The following CRB2 variants were observed in gnomAD, a reference collection of about 807,000 sequenced individuals.
The protein encoded by CRB2 is protein crumbs homolog 2.
CRB2 carries 85 observed loss-of-function variants against 110.9 expected under a neutral mutation model. The ratio of observed to expected loss-of-function variants is 0.77; its 90% CI spans 0.64 to 0.92. The LOEUF is 0.92. CRB2 is among the 40% of genes least tolerant of loss of function. The pLI is 0.00. For missense variants in CRB2, 1,843 were observed against 1,851.3 expected (o/e 1.00, Z 0.08); for synonymous variants, 907 against 831.0 (o/e 1.09, Z -1.57).
chr9:123,373,266 C>A lies in CRB2; in HGVS notation c.2735C>A (p.Ala912Asp), dbSNP rs1011054534. The A allele has an allele frequency of 6.7e-7, 1 of 1,485,124 alleles. No homozygotes were observed. The highest frequency in any genetic ancestry group is 1.5e-5 in the African/African-American group (1 of 68,144). 92.0% of individuals were successfully genotyped at this position (1,485,124 alleles called of 1,614,324 possible). ...GACTCCGAGGCCTGGCTGCTGCGTG[C>A]CGCGGCGGGCGCCCTGGAAGGCGTG... Reference protein sequence around the residue: ...TRDSEAWLLRAAAGALEGVWL... With the variant: ...TRDSEAWLLRDAAGALEGVWL... The change falls in exon 10 of 13, where the codon GCC becomes GAC. Residue 912 changes from alanine (A) to aspartate (D), a missense_variant. Coordinates refer to ENST00000373631, the MANE Select transcript of CRB2 (RefSeq NM_173689.7).
chr9:123,356,527 C>T (rs1051960765), intron 1 of CRB2, among the ~76,000 whole-genome samples, 173 bp downstream of exon 1: 3 of 109,568 alleles, frequency 2.7e-5, no homozygotes, highest in African/African-American at 1.1e-4. Context: ...TGGGGCTCCA[C>T]GGAGGTGAGT....
chr9:123,368,936 G>A (rs2041976799), intron 6 of CRB2: 5 of 1,247,844 alleles, frequency 4.0e-6, no homozygotes, highest in South Asian at 1.3e-5. Context: ...GCCACCTGTG[G>A]CTCCTGGCAG....
rs2042135516 is a variant in CRB2, at chr9:123,378,243, T to G, written c.*1181T>G. ...GAGGCCGACTCAGAGGAGACTCTGCTGCTTGCTCCCAGCCCCTTCCCCGGC... is the reference window on the plus strand; with the variant it reads ...GAGGCCGACTCAGAGGAGACTCTGCGGCTTGCTCCCAGCCCCTTCCCCGGC... On this transcript the variant is annotated 3_prime_UTR_variant, in exon 13 of 13. Coordinates refer to ENST00000373631, the MANE Select transcript of CRB2 (RefSeq NM_173689.7). 1 of 152,304 alleles carries G rather than the reference T, an allele frequency of 6.6e-6. No homozygotes were observed. The highest frequency in any genetic ancestry group is 2.1e-4 in the South Asian group (1 of 4,830). 9.4% of individuals were successfully genotyped at this position (152,304 alleles called of 1,614,324 possible). A position where few individuals can be genotyped will look rare whatever the true frequency, so the allele number is the denominator to read the frequency against.
Position 123,377,390 on chromosome 9 carries a change from G to T in CRB2, c.*328G>T. 3.7e-6 allele frequency: 1 copy of T among 273,152 alleles called. No homozygotes were observed. The highest frequency in any genetic ancestry group is 6.9e-6 in the Non-Finnish European group (1 of 145,864). 16.9% of individuals were successfully genotyped at this position (273,152 alleles called of 1,614,324 possible). A position where few individuals can be genotyped will look rare whatever the true frequency, so the allele number is the denominator to read the frequency against. ...GGAGTGTGTGTGTGAGTGTGTACCT[G>T]GGCCTGTGTTAGTCTGCAGATGCTA... On this transcript the variant is annotated 3_prime_UTR_variant, in exon 13 of 13. Transcript: ENST00000373631.
chr9:123,370,858 G>A lies in CRB2; in HGVS notation c.1805G>A (p.Gly602Asp), dbSNP rs757181339. Residue 602 changes from glycine to aspartate, a missense_variant, in exon 7 of 13, where the codon GGC (glycine) becomes GAC (aspartate). Coordinates refer to ENST00000373631, the MANE Select transcript of CRB2 (RefSeq NM_173689.7). The part of the protein sequence containing the change: ...PEDLGENVLL[G>D]CERREQCRPL... Reference sequence around the variant, plus strand: ...GATCTCGGTGAGAACGTCCTCCTGGGCTGTGAGCGCCGAGAGCAGTGCCGG... The same window carrying A: ...GATCTCGGTGAGAACGTCCTCCTGGACTGTGAGCGCCGAGAGCAGTGCCGG... 6 of 1,609,376 alleles carry A rather than the reference G, an allele frequency of 3.7e-6. No individual in the cohort carries two copies. Among genetic ancestry groups the A allele is most frequent in the South Asian group, 1.1e-5 (1 of 91,080 alleles).
chr9:123,372,312 A>G lies in CRB2; in HGVS notation c.2572A>G (p.Thr858Ala). 1.2e-6 allele frequency: 2 copies of G among 1,607,368 alleles called. No homozygotes were observed. Among genetic ancestry groups the G allele is most frequent in the Non-Finnish European group, 1.7e-6 (2 of 1,176,496 alleles). ...CGGCCAGCCCTGTCTCCCACCTGCC[A>G]CGTGTGAGGAGGTCCCTGATGGCTT... ...CPGQPCLPPA[T>A]CEEVPDGFVC... Residue 858 changes from threonine to alanine, a missense_variant, in exon 9 of 13, where the codon ACG becomes GCG. Transcript: ENST00000373631.
intron 9 of CRB2, 70 bp downstream of exon 9, chr9:123,372,412 C>T: frequency 6.6e-7 from 1 of 1,511,718 alleles, no homozygotes. Flanking sequence ...CCCATCTGCA[C>T]TCTCAGGGCT....
rs774155664 is a variant in CRB2, at chr9:123,374,741, G to A, written c.3506+46G>A. On this transcript the variant is annotated intron_variant, in intron 11 of 12. Transcript: ENST00000373631. ...ACTGTGAGGAGGTCCAATGAATGTG[G>A]AGGGCTGTTCCTCCAGCCAGGGTGG... 3 of 1,401,368 alleles carry A rather than the reference G, an allele frequency of 2.1e-6. No homozygotes were observed. In the South Asian group the frequency reaches 3.5e-5, roughly 16 times the overall value. 86.8% of individuals were successfully genotyped at this position (1,401,368 alleles called of 1,614,324 possible). A position where few individuals can be genotyped will look rare whatever the true frequency, so the allele number is the denominator to read the frequency against.
In CRB2 at chr9:123,371,246, G is replaced by A. The variant is rs752167130; in HGVS notation, c.2104G>A (p.Glu702Lys). 3.1e-6 allele frequency: 5 copies of A among 1,613,992 alleles called. No homozygotes were observed. Among genetic ancestry groups the A allele is most frequent in the Non-Finnish European group, 4.2e-6 (5 of 1,180,034 alleles). The change falls in exon 8 of 13, where the codon GAG becomes AAG. Residue 702 changes from glutamate (E) to lysine (K), a missense_variant. By Grantham distance (56) the Glu-to-Lys change is moderately conservative. Coordinates refer to ENST00000373631, the MANE Select transcript of CRB2 (RefSeq NM_173689.7). ...SAAGLTVFLSEGRIRAEVPGS... is the reference protein window; with the variant it reads ...SAAGLTVFLSKGRIRAEVPGS... ...AGCTGGCCTAACAGTATTCCTGAGT[G>A]AGGGTCGGATCCGGGCTGAGGTGCC...
In CRB2 at chr9:123,367,278, T is replaced by G. The variant is rs1301738641; in HGVS notation, c.861T>G (p.Gly287=). Residue 287 remains glycine (G), a synonymous_variant, in exon 5 of 13, where the codon GGT becomes GGG. Transcript: ENST00000373631. ...LQRSDPALYG[G]VQAAFPGAFS... is the part of the protein sequence containing the mutation. ...GCTCTGACCCGGCCCTCTACGGGGG[T>G]GTCCAGGCCGCCTTCCCTGGCGCCT... 6.3e-7 allele frequency: 1 copy of G among 1,599,718 alleles called. No individual in the cohort carries two copies. The highest frequency in any genetic ancestry group is 2.2e-5 in the East Asian group (1 of 44,740).
intron 1 of CRB2, among the ~76,000 whole-genome samples, chr9:123,358,603 C>T (rs537377325): frequency 1.3e-5 from 2 of 152,326 alleles, no homozygotes; most frequent in Non-Finnish European, 2.9e-5. Context: ...CTATTATTAA[C>T]GAGGTCTAAT....
At chr9:123,361,337 T>C (rs7021509) in intron 1 of CRB2, among the ~76,000 whole-genome samples, 70,055 of 152,020 alleles carry the variant, frequency 0.46, 16,884 homozygotes, top group East Asian at 0.7. Flanking sequence ...AACACCTCCA[T>C]GAGATGGGCA....
intron 12 of CRB2, 123 bp from the exon 13 acceptor site, chr9:123,376,715 G>A: frequency 2.1e-6 from 2 of 943,242 alleles, no homozygotes; most frequent in Non-Finnish European, 3.1e-6. Context: ...TGCTCCCAGG[G>A]CAGCCTGCTC....
chr9:123,369,051 G>GT, intron 6 of CRB2: 1 of 855,924 alleles, frequency 1.2e-6, no homozygotes, highest in Non-Finnish European at 1.5e-6. Flanking sequence ...TTCAAACCCT[G>GT]GTGACTTCTC....
rs987472193 is a variant in CRB2 at position 123,367,232 on chromosome 9, A to G, written c.815A>G (p.His272Arg). 1 of 1,599,120 alleles carries G rather than the reference A, an allele frequency of 6.3e-7. No individual in the cohort carries two copies. The highest frequency in any genetic ancestry group is 8.5e-7 in the Non-Finnish European group (1 of 1,177,806). Residue 272 changes from histidine (H) to arginine (R), a missense_variant, in exon 5 of 13, where the codon CAT (histidine) becomes CGT (arginine). His to Arg is a conservative substitution (Grantham distance 29). Coordinates refer to ENST00000373631, the MANE Select transcript of CRB2 (RefSeq NM_173689.7). Reference protein sequence around the residue: ...EDECASSPCQHGGRCLQRSDP... With the variant: ...EDECASSPCQRGGRCLQRSDP... ...GAGTGTGCATCGAGCCCCTGCCAGC[A>G]TGGGGGCCGATGCCTGCAGCGCTCT...
At chr9:123,369,008 G>A in intron 6 of CRB2, 3 of 1,138,764 alleles carry the variant, frequency 2.6e-6, no homozygotes, top group Non-Finnish European at 3.3e-6. Flanking sequence ...CTAGGAAGAG[G>A]CTGTGGTGTT....
rs200514871 is a variant in CRB2 at position 123,367,725 on chromosome 9, G to T, written c.1054+39G>T. The T allele has an allele frequency of 9.8e-5, 133 of 1,361,368 alleles. No homozygotes were observed. The African/African-American group carries it at 1.5e-3, about 15-fold the overall frequency. 84.3% of individuals were successfully genotyped at this position (1,361,368 alleles called of 1,614,324 possible). ...GGTGGGCCCTGGGACCATCAGAATT[G>T]GTGGTCCTCAGGTGAGAAGGTCCCT... On this transcript the variant is annotated intron_variant, in intron 6 of 12. Coordinates refer to ENST00000373631, the MANE Select transcript of CRB2 (RefSeq NM_173689.7).
At chr9:123,374,204 G>A (rs1287042214) in intron 10 of CRB2, 3 of 604,556 alleles carry the variant, frequency 5.0e-6, no homozygotes, top group Non-Finnish European at 8.8e-6. Context: ...GGTTGGGGTG[G>A]AGGGAGGGGG....
rs754777236 is a variant in CRB2, at chr9:123,376,939, C to T, written c.3735C>T (p.Ile1245=). ...LLLLLGLLSG[I]LAARKRRQSE... The stretch of plus-strand genomic sequence containing the variant: ...TCCTCCTGGGCCTCCTTTCAGGGAT[C>T]CTGGCAGCCCGAAAGCGCCGCCAGT... Residue 1245 remains isoleucine (I), a synonymous_variant, in exon 13 of 13, where the codon ATC becomes ATT. Transcript: ENST00000373631. 5.0e-6 allele frequency: 8 copies of T among 1,606,852 alleles called. No homozygotes were observed. Among genetic ancestry groups the T allele is most frequent in the Non-Finnish European group, 6.8e-6 (8 of 1,177,892 alleles).
Sources: gnomAD v4.1 joint callset for allele counts (sites outside exome capture counted in the v4.1 genomes callset) on GRCh38, gnomAD v4.1.1 for gene constraint, MANE v1.5 for transcripts, NCBI Gene and HGNC (gene_info 2026-07-23, HGNC 2026-07-21) for gene names.